ITGA11: variants seen among roughly 807,000 people sequenced by gnomAD.
ITGA11 encodes the protein integrin subunit alpha 11.
ITGA11 carries 97 observed loss-of-function variants against 141.9 expected under a neutral mutation model. The ratio of observed to expected loss-of-function variants is 0.68; its 90% CI spans 0.58 to 0.81. The LOEUF is 0.81. Ranked by LOEUF, ITGA11 falls within the 30% of genes least tolerant of loss-of-function variation. The pLI, the probability that ITGA11 is intolerant of heterozygous loss-of-function variation, is 0.00. For synonymous variants in ITGA11, 658 were observed against 624.6 expected, an observed-to-expected ratio of 1.05 and a Z score of -0.80; for missense variants, 1,387 against 1,559.2, an observed-to-expected ratio of 0.89 and a Z score of 1.86.
chr15:68,382,707 C>T (rs1895892531), intron 2 of ITGA11, among the ~76,000 whole-genome samples: 1 of 152,220 alleles, frequency 6.6e-6, no homozygotes, highest in South Asian at 2.1e-4. Flanking sequence ...CTTTCCTTTT[C>T]CCATTCCAGT....
chr15:68,393,573 T>C (rs1896166600), intron 2 of ITGA11, among the ~76,000 whole-genome samples: 1 of 152,110 alleles, frequency 6.6e-6, no homozygotes, highest in Non-Finnish European at 1.5e-5. Flanking sequence ...CATTTTAAAG[T>C]GCTAAAAGAA....
chr15:68,383,749 C>G (rs11637411), intron 2 of ITGA11, among the ~76,000 whole-genome samples: 123,520 of 152,222 alleles, frequency 0.81, 50,415 homozygotes, highest in East Asian at 1. Context: ...TTCAACATTT[C>G]TTTATTCTCC....
intron 24 of ITGA11, among the ~76,000 whole-genome samples, chr15:68,311,932 TG>T (rs1490141350): frequency 2.0e-5 from 3 of 152,336 alleles, no homozygotes; most frequent in East Asian, 3.9e-4. Flanking sequence ...AATCTAATCC[TG>T]GGCCCACCAC....
intron 2 of ITGA11, among the ~76,000 whole-genome samples, chr15:68,373,638 T>A (rs1895652010): frequency 6.6e-6 from 1 of 152,162 alleles, no homozygotes; most frequent in South Asian, 2.1e-4. Context: ...GGAGAGTTTA[T>A]CCCCCAGCTG....
At chr15:68,404,383 C>T (rs144407672) in intron 1 of ITGA11, among the ~76,000 whole-genome samples, 147 of 152,296 alleles carry the variant, frequency 9.7e-4, no homozygotes, top group Non-Finnish European at 1.7e-3. Context: ...CCCCAAGGGT[C>T]GCCCCTGTTT....
intron 2 of ITGA11, among the ~76,000 whole-genome samples, chr15:68,396,037 T>C (rs986255165): frequency 2.6e-5 from 4 of 151,982 alleles, no homozygotes; most frequent in African/African-American, 9.7e-5. Context: ...TTAGCACATT[T>C]TATGAGCTCT....
Position 68,403,017 on chromosome 15 carries a change from G to T in ITGA11, c.65C>A (p.Thr22Asn). 1.2e-6 allele frequency: 2 copies of T among 1,612,558 alleles called. No homozygotes were observed. Among genetic ancestry groups the T allele is most frequent in the Non-Finnish European group, 1.7e-6 (2 of 1,178,946 alleles). ...GGGCTTCCTGGTGTCCATGTTGAAGGTGTCCGTGAACCCTGAGGCAGGGGG... is the reference window on the plus strand; with the variant it reads ...GGGCTTCCTGGTGTCCATGTTGAAGTTGTCCGTGAACCCTGAGGCAGGGGG... ...ALSLWPGFTD[T>N]FNMDTRKPRV... Residue 22 changes from threonine (T) to asparagine (N), a missense_variant, in exon 2 of 30, where the codon ACC (threonine) becomes AAC (asparagine). Transcript: ENST00000315757.
chr15:68,330,163 A>G (rs1031737023), intron 15 of ITGA11, among the ~76,000 whole-genome samples: 2 of 152,340 alleles, frequency 1.3e-5, no homozygotes, highest in Admixed American at 6.5e-5. Flanking sequence ...GCTGTTTTCT[A>G]GGGAACCTGG....
chr15:68,350,058 C>G (rs906642400), intron 9 of ITGA11, among the ~76,000 whole-genome samples: 3 of 152,232 alleles, frequency 2.0e-5, no homozygotes, highest in East Asian at 3.8e-4. Flanking sequence ...GCAGGTCACT[C>G]AACTCCGTTG....
rs1893223876 is a variant in ITGA11 at position 68,307,091 on chromosome 15, G to A, written c.3381+257C>T. On this transcript the variant is annotated intron_variant, in intron 28 of 29. Transcript: ENST00000315757. The surrounding 1 kb of genome is among the most constrained non-coding windows in gnomAD (Gnocchi z 6.1). ...CGCAACTAACAGAGGCTGATACCGAGGCATCTCCCATCCTTTGGTCTTCAC... is the reference window on the plus strand; with the variant it reads ...CGCAACTAACAGAGGCTGATACCGAAGCATCTCCCATCCTTTGGTCTTCAC... Among the ~76,000 whole-genome samples, 1 of 152,142 alleles carries A rather than the reference G, an allele frequency of 6.6e-6. No individual in the cohort carries two copies. Among genetic ancestry groups the A allele is most frequent in the African/African-American group, 2.4e-5 (1 of 41,440 alleles).
chr15:68,348,655 C>A (rs891300625), intron 10 of ITGA11, among the ~76,000 whole-genome samples, 175 bp downstream of exon 10: 1 of 152,176 alleles, frequency 6.6e-6, no homozygotes, highest in Non-Finnish European at 1.5e-5. Flanking sequence ...ACCTCGACTC[C>A]CCTCTTCCAG....
At chr15:68,364,647 A>ACCCCAACCCCC in intron 4 of ITGA11, 60 bp downstream of exon 4, 1 of 904,822 alleles carries the variant, frequency 1.1e-6, no homozygotes. Flanking sequence ...GAGACGCTCC[A>ACCCCAACCCCC]CCCCTCCCCA....
chr15:68,339,426 GC>G, intron 11 of ITGA11, 73 bp downstream of exon 11: 1 of 1,503,482 alleles, frequency 6.7e-7, no homozygotes. Flanking sequence ...TCGTGTGTGG[GC>G]TGGGGGTTGT....
Position 68,300,412 on chromosome 15 carries a change from A to G in ITGA11, c.*2647T>C, listed in dbSNP as rs745690244. On this transcript the variant is annotated 3_prime_UTR_variant, in exon 30 of 30. Transcript: ENST00000315757. ...ACAAACTTGGCCCCTCTCCCAACCA[A>G]TGAAATTGGGATCCATAGTGGGTAG... The G allele has an allele frequency of 6.6e-6, 1 of 152,210 alleles. No individual in the cohort carries two copies. The highest frequency in any genetic ancestry group is 2.4e-5 in the African/African-American group (1 of 41,454). 9.4% of individuals were successfully genotyped at this position (152,210 alleles called of 1,614,324 possible).
intron 2 of ITGA11, among the ~76,000 whole-genome samples, chr15:68,389,923 A>G (rs1344574328): frequency 6.6e-6 from 1 of 152,220 alleles, no homozygotes; most frequent in African/African-American, 2.4e-5. Flanking sequence ...GCCCTCTGCA[A>G]GCCCTGCATT....
intron 9 of ITGA11, among the ~76,000 whole-genome samples, chr15:68,350,221 G>A (rs1894860705): frequency 1.3e-5 from 2 of 152,184 alleles, no homozygotes; most frequent in South Asian, 4.1e-4. Context: ...GTCTGGCTCT[G>A]TTGCCCCGGC....
intron 11 of ITGA11, among the ~76,000 whole-genome samples, chr15:68,337,599 C>G (rs977119659): frequency 1.3e-5 from 2 of 152,138 alleles, no homozygotes; most frequent in African/African-American, 4.8e-5. Context: ...GACAGCTGGG[C>G]CTCATGAGTG....
At chr15:68,345,203 C>A (rs1215039616) in intron 10 of ITGA11, among the ~76,000 whole-genome samples, 2 of 152,180 alleles carry the variant, frequency 1.3e-5, no homozygotes, top group African/African-American at 4.8e-5. Flanking sequence ...CCTTTGCGTT[C>A]ATTTCCAAAT....
chr15:68,303,019 G>A lies in ITGA11; in HGVS notation c.*40C>T. 2.7e-6 allele frequency: 4 copies of A among 1,490,158 alleles called. No homozygotes were observed. The highest frequency in any genetic ancestry group is 2.7e-6 in the Non-Finnish European group (3 of 1,096,908). The allele number at this position is 1,490,158 out of a possible 1,614,324, so 92.3% of individuals were successfully genotyped here. A position where few individuals can be genotyped will look rare whatever the true frequency, so the allele number is the denominator to read the frequency against. On this transcript the variant is annotated 3_prime_UTR_variant, in exon 30 of 30. Coordinates refer to ENST00000315757, the MANE Select transcript of ITGA11 (RefSeq NM_001004439.2). This position sits in a 1 kb window ranked among gnomAD's most constrained non-coding sequence, Gnocchi z 5.3. Reference sequence around the variant, plus strand: ...CTGGGTCTCAACACTACCTGGACTGGTGTCCTGGCCCCCATCAACTCAAAG... The same window carrying A: ...CTGGGTCTCAACACTACCTGGACTGATGTCCTGGCCCCCATCAACTCAAAG...
Sources: allele counts gnomAD v4.1 joint callset (sites outside exome capture counted in the v4.1 genomes callset), GRCh38; gene constraint gnomAD v4.1.1; non-coding constraint Gnocchi (gnomAD v3.1); transcripts MANE v1.5; gene names NCBI Gene and HGNC (gene_info 2026-07-23, HGNC 2026-07-21).